The following CEMIP variants were observed in gnomAD, a reference collection of about 807,000 sequenced individuals.
CEMIP encodes cell migration-inducing and hyaluronan-binding protein.
In CEMIP, 105 loss-of-function variants were observed where a neutral mutation model predicts 156.9. The observed-to-expected ratio is 0.67, with a 90% CI of 0.57 to 0.79. CEMIP has a LOEUF of 0.79. Among genes scored for constraint, CEMIP ranks in the 30% least tolerant of loss-of-function variants. The pLI, the probability that CEMIP is intolerant of heterozygous loss-of-function variation, is 0.00. For missense variants in CEMIP, 1,457 were observed against 1,769.4 expected (o/e 0.82, Z 3.17); for synonymous variants, 676 against 668.4 (o/e 1.01, Z -0.17).
chr15:80,843,778 C>T (rs964279302), intron 1 of CEMIP, among the ~76,000 whole-genome samples: 1 of 152,200 alleles, frequency 6.6e-6, no homozygotes, highest in African/African-American at 2.4e-5. Flanking sequence ...AGGGGCTCTT[C>T]CTCTGGGTGC....
At chr15:80,918,188 T>C (rs905944721) in intron 14 of CEMIP, among the ~76,000 whole-genome samples, 8 of 151,548 alleles carry the variant, frequency 5.3e-5, no homozygotes, top group African/African-American at 1.7e-4. Context: ...GGTGGGAAAA[T>C]GGTTTGAGCT....
At chr15:80,849,617 G>T (rs75978472) in intron 1 of CEMIP, among the ~76,000 whole-genome samples, 2 of 152,164 alleles carry the variant, frequency 1.3e-5, no homozygotes, top group African/African-American at 4.8e-5. Context: ...AAATGAGGTG[G>T]ATGAGGCTAC....
At chr15:80,864,875 A>T (rs1898083610) in intron 1 of CEMIP, among the ~76,000 whole-genome samples, 1 of 152,094 alleles carries the variant, frequency 6.6e-6, no homozygotes, top group Non-Finnish European at 1.5e-5. Context: ...CCACCCTCAG[A>T]TTTTTCTGAG....
intron 10 of CEMIP, among the ~76,000 whole-genome samples, chr15:80,891,720 G>A (rs538307849): frequency 9.9e-5 from 15 of 152,168 alleles, no homozygotes; most frequent in Non-Finnish European, 1.6e-4. Flanking sequence ...CATCTCTACC[G>A]AAGAGAAGGT....
At chr15:80,911,505 T>G (rs1482821692) in intron 14 of CEMIP, among the ~76,000 whole-genome samples, 3 of 148,604 alleles carry the variant, frequency 2.0e-5, no homozygotes, top group African/African-American at 7.5e-5. Context: ...TGGAAGCTGT[T>G]GTGAATCTCA....
chr15:80,884,424 A>G, intron 7 of CEMIP, 70 bp downstream of exon 7: 1 of 1,511,536 alleles, frequency 6.6e-7, no homozygotes, highest in Non-Finnish European at 9.2e-7. Flanking sequence ...CTGAGAATTT[A>G]CCTTTCCCAT....
chr15:80,861,577 G>A (rs1897988920), intron 1 of CEMIP, among the ~76,000 whole-genome samples: 1 of 152,214 alleles, frequency 6.6e-6, no homozygotes, highest in South Asian at 2.1e-4. Flanking sequence ...GGAAAAAAGG[G>A]CCACTAAATA....
chr15:80,813,811 A>C (rs1896725297), intron 1 of CEMIP, among the ~76,000 whole-genome samples: 2 of 152,196 alleles, frequency 1.3e-5, no homozygotes, highest in Admixed American at 1.3e-4. Context: ...GATGTTGTAC[A>C]AGTAAGACTT....
At chr15:80,945,248 G>A (rs1012027378) in intron 28 of CEMIP, among the ~76,000 whole-genome samples, 1 of 152,216 alleles carries the variant, frequency 6.6e-6, no homozygotes, top group Non-Finnish European at 1.5e-5. Flanking sequence ...GCAAAGAAGT[G>A]TTCCCAACAT....
intron 13 of CEMIP, among the ~76,000 whole-genome samples, 181 bp downstream of exon 13, chr15:80,907,019 C>G (rs1303335653): frequency 6.6e-6 from 1 of 152,088 alleles, no homozygotes; most frequent in Non-Finnish European, 1.5e-5. Context: ...AGCTCCCCCC[C>G]CACCAATATT....
At chr15:80,814,368 C>T (rs1000124357) in intron 1 of CEMIP, among the ~76,000 whole-genome samples, 9 of 152,204 alleles carry the variant, frequency 5.9e-5, no homozygotes, top group Admixed American at 1.3e-4. Context: ...TGGCTTGACA[C>T]CAGAGCAACC....
rs577778863 is a variant in CEMIP at position 80,887,602 on chromosome 15, C to T, written c.798-92C>T. 381 of 933,838 alleles carry T rather than the reference C, an allele frequency of 4.1e-4. 2 individuals carry two copies. In the African/African-American group the frequency reaches 5.2e-3, roughly 13 times the overall value. The allele number at this position is 933,838 out of a possible 1,614,324, so 57.8% of individuals were successfully genotyped here. ...CAGGGAGGGACCCTCCTTCACCTGA[C>T]GCTGCTTCAACTCTGCCCCATCCCC... On this transcript the variant is annotated intron_variant, in intron 7 of 29. Coordinates refer to ENST00000394685, the MANE Select transcript of CEMIP (RefSeq NM_001293298.2).
chr15:80,812,023 G>T (rs1896683508), intron 1 of CEMIP, among the ~76,000 whole-genome samples: 1 of 152,070 alleles, frequency 6.6e-6, no homozygotes, highest in East Asian at 1.9e-4. Flanking sequence ...TTAGGGAGGG[G>T]CTTTCTCTGT....
At chr15:80,853,993 A>G (rs1282719249) in intron 1 of CEMIP, among the ~76,000 whole-genome samples, 1 of 152,258 alleles carries the variant, frequency 6.6e-6, no homozygotes, top group Non-Finnish European at 1.5e-5. Flanking sequence ...TCCAAATGTA[A>G]TACCCAGAAG....
chr15:80,948,730 T>G, intron 29 of CEMIP, 67 bp from the exon 30 acceptor site: 1 of 1,609,548 alleles, frequency 6.2e-7, no homozygotes, highest in Non-Finnish European at 8.5e-7. Context: ...TGGGGAGCCA[T>G]GGAACGGGGT....
intron 12 of CEMIP, among the ~76,000 whole-genome samples, chr15:80,900,668 G>T (rs1281663492): frequency 2.0e-5 from 3 of 146,578 alleles, no homozygotes; most frequent in African/African-American, 7.7e-5. Flanking sequence ...GTGTCTGTGT[G>T]TGTGTGTGTA....
intron 14 of CEMIP, among the ~76,000 whole-genome samples, chr15:80,916,957 G>A (rs1043714154): frequency 3.3e-5 from 5 of 152,144 alleles, no homozygotes; most frequent in Admixed American, 6.6e-5. Context: ...CACAGGTTAT[G>A]GACTCAGACA....
At chr15:80,915,801 T>A (rs985659416) in intron 14 of CEMIP, among the ~76,000 whole-genome samples, 1 of 151,898 alleles carries the variant, frequency 6.6e-6, no homozygotes, top group Non-Finnish European at 1.5e-5. Flanking sequence ...CCGGGTTTTT[T>A]TCTTCCACCC....
intron 1 of CEMIP, among the ~76,000 whole-genome samples, chr15:80,865,111 C>T (rs1320351321): frequency 6.6e-6 from 1 of 152,130 alleles, no homozygotes; most frequent in Admixed American, 6.5e-5. Flanking sequence ...ATGTAGTAGC[C>T]CCTAACCATA....
Sources: allele counts gnomAD v4.1 joint callset (sites outside exome capture counted in the v4.1 genomes callset), GRCh38; gene constraint gnomAD v4.1.1; transcripts MANE v1.5; gene names NCBI Gene and HGNC (gene_info 2026-07-23, HGNC 2026-07-21).